Variants in LUZP2 observed in about 807,000 individuals in gnomAD.
LUZP2 encodes leucine zipper protein 2.
A neutral mutation model predicts 51.6 loss-of-function variants in LUZP2; 52 were observed. That is an observed-to-expected ratio of 1.01 (90% confidence interval 0.81 to 1.27). LUZP2 has a LOEUF of 1.27. Ranked by LOEUF, LUZP2 falls within the 50% of genes most tolerant of loss-of-function variation. The pLI is 0.00. For missense variants in LUZP2, 436 were observed against 395.4 expected (o/e 1.10, Z -0.87); for synonymous variants, 154 against 137.3 (o/e 1.12, Z -0.85).
At chr11:24,714,155 A>T (rs1047071113) in intron 1 of LUZP2, among the ~76,000 whole-genome samples, 4 of 152,114 alleles carry the variant, frequency 2.6e-5, no homozygotes, top group Admixed American at 2.6e-4. Flanking sequence ...GGTAGGAGGC[A>T]AGAAGAGGGA....
At chr11:25,053,319 A>C (rs759254751) in intron 10 of LUZP2, among the ~76,000 whole-genome samples, 5 of 152,158 alleles carry the variant, frequency 3.3e-5, no homozygotes, top group Admixed American at 6.5e-5. Context: ...TTCTGAACAG[A>C]AGAGATTGGT....
chr11:24,938,792 G>T (rs1854663070), intron 7 of LUZP2, among the ~76,000 whole-genome samples: 1 of 152,276 alleles, frequency 6.6e-6, no homozygotes, highest in African/African-American at 2.4e-5. Flanking sequence ...CTTAGGGGTT[G>T]CCCATTCAAT....
At chr11:24,912,669 G>A (rs1853672408) in intron 6 of LUZP2, among the ~76,000 whole-genome samples, 1 of 152,020 alleles carries the variant, frequency 6.6e-6, no homozygotes, top group Admixed American at 6.6e-5. Context: ...AATTAGTCTG[G>A]TATGCTGGTG....
In LUZP2 at chr11:24,860,466, C is replaced by G. The variant is rs570879878; in HGVS notation, c.397-45525C>G. Among the ~76,000 whole-genome samples the G allele has an allele frequency of 6.6e-5, 10 of 152,244 alleles. No individual in the cohort carries two copies. In the South Asian group the frequency reaches 2.1e-3, roughly 32 times the overall value. ...GACAAAGTGCTTCATTAAATGGGTC[C>G]TGTTCCCTGTGGCACCAAACTATGT... On this transcript the variant is annotated intron_variant, in intron 5 of 11. Transcript: ENST00000336930.
At chr11:24,620,363 T>G (rs1237105104) in intron 1 of LUZP2, among the ~76,000 whole-genome samples, 1 of 152,194 alleles carries the variant, frequency 6.6e-6, no homozygotes, top group Non-Finnish European at 1.5e-5. Context: ...GTATTGAGAC[T>G]CATTTTAAGT....
intron 1 of LUZP2, among the ~76,000 whole-genome samples, chr11:24,598,820 C>G (rs752983137): frequency 2.6e-5 from 4 of 152,086 alleles, no homozygotes; most frequent in Non-Finnish European, 4.4e-5. Flanking sequence ...GTCTTTGCTT[C>G]CAGAAAAACA....
At chr11:24,667,544 T>G (rs1856257700) in intron 1 of LUZP2, among the ~76,000 whole-genome samples, 1 of 152,186 alleles carries the variant, frequency 6.6e-6, no homozygotes, top group Admixed American at 6.6e-5. Context: ...TTAAAGGGAT[T>G]AAACTATGCA....
chr11:24,772,619 C>T (rs1402834482), intron 5 of LUZP2, among the ~76,000 whole-genome samples: 2 of 152,056 alleles, frequency 1.3e-5, no homozygotes, highest in East Asian at 3.8e-4. Context: ...TATAAACTAT[C>T]CATATAAGGT....
At chr11:24,964,966 C>G (rs562823146) in intron 7 of LUZP2, among the ~76,000 whole-genome samples, 2 of 151,602 alleles carry the variant, frequency 1.3e-5, no homozygotes, top group East Asian at 3.9e-4. Flanking sequence ...CAGACATTTT[C>G]AGAAAGTACA....
intron 1 of LUZP2, among the ~76,000 whole-genome samples, chr11:24,619,624 T>A (rs146524029): frequency 4.1e-4 from 63 of 152,268 alleles, no homozygotes; most frequent in Middle Eastern, 3.4e-3. Flanking sequence ...TATTTATGTG[T>A]GATTGGTTCC....
intron 1 of LUZP2, among the ~76,000 whole-genome samples, chr11:24,655,259 A>AATG: frequency 6.6e-6 from 1 of 152,348 alleles, no homozygotes; most frequent in Non-Finnish European, 1.5e-5. Flanking sequence ...AAGATATGAA[A>AATG]ATGATTAGAA....
chr11:24,512,045 G>A (rs80060314), intron 1 of LUZP2, among the ~76,000 whole-genome samples: 1 of 152,256 alleles, frequency 6.6e-6, no homozygotes, highest in African/African-American at 2.4e-5. Flanking sequence ...AAAGTTGAAG[G>A]AGTTTCTCTG....
intron 7 of LUZP2, among the ~76,000 whole-genome samples, chr11:24,953,777 T>G (rs1855141402): frequency 1.3e-5 from 2 of 152,168 alleles, no homozygotes; most frequent in South Asian, 2.1e-4. Context: ...CCAATACTGA[T>G]TTAGAATCCA....
chr11:24,666,579 C>T (rs1349458019), intron 1 of LUZP2, among the ~76,000 whole-genome samples: 5 of 152,050 alleles, frequency 3.3e-5, no homozygotes, highest in Non-Finnish European at 7.3e-5. Flanking sequence ...GAGCTATTCT[C>T]AGACGATTTC....
At chr11:24,654,030 T>TATA (rs1489357668) in intron 1 of LUZP2, among the ~76,000 whole-genome samples, 1 of 152,196 alleles carries the variant, frequency 6.6e-6, no homozygotes, top group South Asian at 2.1e-4. Flanking sequence ...TTTAAACAAT[T>TATA]ATAATAATTT....
chr11:24,741,939 A>ATG (rs1455474572), intron 4 of LUZP2, among the ~76,000 whole-genome samples: 18 of 131,506 alleles, frequency 1.4e-4, no homozygotes, highest in African/African-American at 4.5e-4. Context: ...TTATATATAA[A>ATG]TATATACATT....
intron 5 of LUZP2, among the ~76,000 whole-genome samples, chr11:24,778,957 A>G (rs1048797001): frequency 9.2e-5 from 14 of 152,210 alleles, no homozygotes; most frequent in Non-Finnish European, 1.5e-5. Context: ...AGTGGTCATT[A>G]GTATTTCAAA....
intron 1 of LUZP2, among the ~76,000 whole-genome samples, chr11:24,561,831 G>A (rs1848729): frequency 7.0e-4 from 49 of 69,674 alleles, no homozygotes; most frequent in African/African-American, 2.8e-3. Flanking sequence ...TAATAATAAT[G>A]ATAATAATAA....
At position 25,080,640 on chromosome 11, in the gene LUZP2, C is replaced by T. The variant is rs570227897; in HGVS notation, c.*1982C>T. 1 of 152,124 alleles carries T rather than the reference C, an allele frequency of 6.6e-6. No homozygotes were observed. Among genetic ancestry groups the T allele is most frequent in the Admixed American group, 6.5e-5 (1 of 15,280 alleles). 9.4% of individuals were successfully genotyped at this position (152,124 alleles called of 1,614,324 possible). ...ACTGCTAGTCTCCCAAGTCCTGTTCCTTGTAATTCTCCCACTGTTCTCAGT... is the reference window on the plus strand; with the variant it reads ...ACTGCTAGTCTCCCAAGTCCTGTTCTTTGTAATTCTCCCACTGTTCTCAGT... On this transcript the variant is annotated 3_prime_UTR_variant, in exon 12 of 12. Coordinates refer to ENST00000336930, the MANE Select transcript of LUZP2 (RefSeq NM_001009909.4).
Sources: allele counts gnomAD v4.1 joint callset (sites outside exome capture counted in the v4.1 genomes callset), GRCh38; gene constraint gnomAD v4.1.1; transcripts MANE v1.5; gene names NCBI Gene and HGNC (gene_info 2026-07-23, HGNC 2026-07-21).